ATP2B2: variants seen among roughly 807,000 people sequenced by gnomAD.
The protein encoded by ATP2B2 is plasma membrane calcium-transporting ATPase 2.
A neutral mutation model predicts 120.0 loss-of-function variants in ATP2B2; 15 were observed. The ratio of observed to expected loss-of-function variants is 0.12; its 90% confidence interval spans 0.08 to 0.19. ATP2B2 has a LOEUF of 0.19. Among genes scored for constraint, ATP2B2 ranks in the 10% least tolerant of loss-of-function variants. The pLI, the probability that ATP2B2 is intolerant of heterozygous loss-of-function variation, is 1.00. For missense variants in ATP2B2, 1,045 were observed against 1,719.8 expected, an observed-to-expected ratio of 0.61 and a Z score of 6.94; for synonymous variants, 694 against 700.3, an observed-to-expected ratio of 0.99 and a Z score of 0.14.
chr3:10,345,700 G>A, intron 17 of ATP2B2, 125 bp from the exon 18 acceptor site: 1 of 906,716 alleles, frequency 1.1e-6, no homozygotes, highest in African/African-American at 1.6e-5. Context: ...AGCACAGCCA[G>A]ACCACACAGG....
chr3:10,333,909 G>T (rs906898141), intron 22 of ATP2B2, among the ~76,000 whole-genome samples: 2 of 152,220 alleles, frequency 1.3e-5, no homozygotes, highest in African/African-American at 4.8e-5. Context: ...GGCTACAGGG[G>T]ACTGATCTGG....
intron 12 of ATP2B2, among the ~76,000 whole-genome samples, chr3:10,370,886 T>C (rs2061219885): frequency 6.6e-6 from 1 of 152,210 alleles, no homozygotes; most frequent in Admixed American, 6.5e-5. Context: ...TCTCTTCATC[T>C]AGTGCTGAGG....
intron 9 of ATP2B2, 131 bp from the exon 10 acceptor site, chr3:10,378,541 C>T: frequency 8.0e-7 from 1 of 1,243,086 alleles, no homozygotes; most frequent in Non-Finnish European, 1.1e-6. Context: ...TGGACTGAGC[C>T]CCGCATGGCT....
intron 2 of ATP2B2, among the ~76,000 whole-genome samples, chr3:10,542,841 C>T (rs138616397): frequency 8.3e-4 from 126 of 152,140 alleles, no homozygotes; most frequent in Non-Finnish European, 1.6e-3. Context: ...TTGGAATTTG[C>T]TCAGCTTCCT....
chr3:10,504,771 C>G (rs2066547784), intron 1 of ATP2B2, among the ~76,000 whole-genome samples: 2 of 152,120 alleles, frequency 1.3e-5, no homozygotes, highest in Non-Finnish European at 2.9e-5. Flanking sequence ...TGAGGCTGGC[C>G]TAGGAAGTGG....
At chr3:10,377,303 A>G (rs1301232301) in intron 10 of ATP2B2, among the ~76,000 whole-genome samples, 1 of 152,154 alleles carries the variant, frequency 6.6e-6, no homozygotes, top group Admixed American at 6.5e-5. Context: ...AGCCGGCTCC[A>G]TCCCTGTCTG....
chr3:10,434,785 C>T (rs992916634), intron 2 of ATP2B2, among the ~76,000 whole-genome samples: 2 of 152,260 alleles, frequency 1.3e-5, no homozygotes, highest in Admixed American at 6.5e-5. Flanking sequence ...AGGCCCAGGC[C>T]GAGGTGCCCT....
chr3:10,707,709 G>T (rs1329843709), intron 1 of ATP2B2, among the ~76,000 whole-genome samples: 1 of 150,342 alleles, frequency 6.7e-6, no homozygotes, highest in African/African-American at 2.4e-5. Flanking sequence ...CCGCCGCCTG[G>T]TGCCCGCTCA....
chr3:10,497,511 A>G (rs2066201264), intron 1 of ATP2B2, among the ~76,000 whole-genome samples: 1 of 152,246 alleles, frequency 6.6e-6, no homozygotes, highest in African/African-American at 2.4e-5. Context: ...TCAAATAATA[A>G]TTGCTTACAC....
intron 2 of ATP2B2, among the ~76,000 whole-genome samples, chr3:10,440,974 C>A (rs975877169): frequency 3.9e-5 from 6 of 152,208 alleles, no homozygotes; most frequent in Non-Finnish European, 5.9e-5. Context: ...TGTTAGTGTT[C>A]AATGCATGTT....
At chr3:10,333,127 C>G (rs2060026276) in intron 22 of ATP2B2, among the ~76,000 whole-genome samples, 1 of 152,168 alleles carries the variant, frequency 6.6e-6, no homozygotes, top group African/African-American at 2.4e-5. Context: ...TTTCCTCACT[C>G]CAGTGTCCCA....
At position 10,329,164 on chromosome 3, in the gene ATP2B2, G is replaced by C; in HGVS notation, c.3421-39C>G. ...ACAGGGGTCAGGAGCACTGCCCAGG[G>C]ACCACAGCCAGGCTCGGGGGGCTCA... On this transcript the variant is annotated intron_variant, in intron 22 of 22. Transcript: ENST00000360273. This position sits in a 1 kb window ranked among gnomAD's most constrained non-coding sequence, Gnocchi z 5.9. 1.5e-6 allele frequency: 2 copies of C among 1,377,978 alleles called. No individual in the cohort carries two copies. Among genetic ancestry groups the C allele is most frequent in the African/African-American group, 1.4e-5 (1 of 69,010 alleles). The allele number at this position is 1,377,978 out of a possible 1,614,324, so 85.4% of individuals were successfully genotyped here.
rs372861791 is a variant in ATP2B2, at chr3:10,385,334, G to T, written c.941-7C>A. 13 of 1,613,364 alleles carry T rather than the reference G, an allele frequency of 8.1e-6. No individual in the cohort carries two copies. Among genetic ancestry groups the T allele is most frequent in the Admixed American group, 6.7e-5 (4 of 60,018 alleles). ...GCTGCCGCACCGTCTGCTGCTGCAG[G>T]GGGGTGGGAGGGATGGAAAATGCAG... On this transcript the variant is annotated splice_polypyrimidine_tract_variant and splice_region_variant and intron_variant, in intron 7 of 22. Transcript: ENST00000360273.
chr3:10,391,507 A>G (rs2061848775), intron 5 of ATP2B2, among the ~76,000 whole-genome samples: 1 of 152,140 alleles, frequency 6.6e-6, no homozygotes. Flanking sequence ...AGACTCCCAA[A>G]TCACCTTCTA....
intron 19 of ATP2B2, among the ~76,000 whole-genome samples, chr3:10,341,448 T>A (rs2060273327): frequency 6.6e-6 from 1 of 152,136 alleles, no homozygotes; most frequent in South Asian, 2.1e-4. Context: ...GTAGCTGGGA[T>A]TACAGGTGCG....
At chr3:10,368,662 A>C (rs1169941030) in intron 12 of ATP2B2, among the ~76,000 whole-genome samples, 4 of 150,820 alleles carry the variant, frequency 2.7e-5, no homozygotes, top group African/African-American at 9.8e-5. Flanking sequence ...CTATTCATCC[A>C]TCCACCCATC....
At chr3:10,488,461 AAATTCCTT>A (rs2065802160) in intron 1 of ATP2B2, among the ~76,000 whole-genome samples, 1 of 97,018 alleles carries the variant, frequency 1.0e-5, no homozygotes, top group African/African-American at 3.6e-5. Context: ...ACCACCCTAC[AAATTCCTT>A]CCTTCCTTCC....
At chr3:10,529,295 C>T (rs2067163200) in intron 3 of ATP2B2, among the ~76,000 whole-genome samples, 1 of 152,264 alleles carries the variant, frequency 6.6e-6, no homozygotes, top group Admixed American at 6.5e-5. Flanking sequence ...TCCTGGTACT[C>T]CCCTATCCAA....
rs140588283 is a variant in ATP2B2, at chr3:10,591,353, T to C, written c.-415+28564A>G. Among the ~76,000 whole-genome samples the C allele has an allele frequency of 7.4e-4, 113 of 152,260 alleles. 1 individual carries two copies. The East Asian group carries it at 0.019, about 26-fold the overall frequency. On this transcript the variant is annotated intron_variant, in intron 2 of 21. Coordinates refer to the ATP2B2 transcript ENST00000646379. ...CTCCATACAGCAGGCACCAACCCCATGCTCAAAACTCTCCAATGGTCCTGC... is the reference window on the plus strand; with the variant it reads ...CTCCATACAGCAGGCACCAACCCCACGCTCAAAACTCTCCAATGGTCCTGC...
Sources: allele counts gnomAD v4.1 joint callset (sites outside exome capture counted in the v4.1 genomes callset), GRCh38; gene constraint gnomAD v4.1.1; non-coding constraint Gnocchi (gnomAD v3.1); transcripts MANE v1.5; gene names NCBI Gene and HGNC (gene_info 2026-07-23, HGNC 2026-07-21).